The following WDSUB1 variants were observed in gnomAD, a reference collection of about 807,000 sequenced individuals.
The protein encoded by WDSUB1 is WD repeat, SAM and U-box domain-containing protein 1.
Under a neutral mutation model 53.9 loss-of-function variants are expected in WDSUB1, and 49 were observed. The observed-to-expected ratio is 0.91, with a 90% confidence interval of 0.72 to 1.15. The LOEUF (loss-of-function observed/expected upper bound fraction) is 1.15, where lower values mean the gene tolerates loss of function less well. Ranked by LOEUF, WDSUB1 falls within the 50% of genes most tolerant of loss-of-function variation. WDSUB1 has a pLI of 0.00. For synonymous variants in WDSUB1, 194 were observed against 200.6 expected (o/e 0.97, Z 0.28); for missense variants, 514 against 562.0 (o/e 0.91, Z 0.86).
intron 3 of WDSUB1, among the ~76,000 whole-genome samples, chr2:159,279,150 A>G (rs1263545544): frequency 1.3e-5 from 2 of 152,194 alleles, no homozygotes; most frequent in African/African-American, 2.4e-5. Context: ...TCTGGTAACA[A>G]GACTGCAGGG....
At chr2:159,258,054 G>T in intron 6 of WDSUB1, 69 bp from the exon 7 acceptor site, 2 of 1,373,522 alleles carry the variant, frequency 1.5e-6, no homozygotes, top group Non-Finnish European at 2.1e-6. Flanking sequence ...AGACTCATTT[G>T]ACATAAATGG....
intron 10 of WDSUB1, among the ~76,000 whole-genome samples, chr2:159,244,224 A>G (rs1387903144): frequency 2.0e-5 from 3 of 152,182 alleles, no homozygotes; most frequent in African/African-American, 7.2e-5. Flanking sequence ...CTGACCCAAA[A>G]TAACATGAAA....
At position 159,248,245 on chromosome 2, in the gene WDSUB1, G is replaced by A. The variant is rs2060864313; in HGVS notation, c.1273+127C>T. ...TACAATATTCATTTGTTCACCCAAG[G>A]TTTAATTAGTTTAAGAAAAAACTAC... is the stretch of plus-strand genomic sequence containing the variant. On this transcript the variant is annotated intron_variant, in intron 10 of 10. Transcript: ENST00000359774. The A allele has an allele frequency of 1.1e-5, 12 of 1,065,184 alleles. No individual in the cohort carries two copies. In the South Asian group the frequency reaches 1.9e-4, roughly 17 times the overall value. 66.0% of individuals were successfully genotyped at this position (1,065,184 alleles called of 1,614,324 possible).
intron 5 of WDSUB1, among the ~76,000 whole-genome samples, chr2:159,261,865 TATATATATATATATATATATATATATA>T (rs2061201853): frequency 3.4e-4 from 3 of 8,880 alleles, no homozygotes; most frequent in Non-Finnish European, 6.8e-4. Context: ...TATATATATA[TATATATATATATATATATATATATATA>T]TATATTTTTT....
chr2:159,271,065 C>T (rs1424628730), intron 5 of WDSUB1, among the ~76,000 whole-genome samples: 1 of 152,134 alleles, frequency 6.6e-6, no homozygotes, highest in Non-Finnish European at 1.5e-5. Flanking sequence ...ATTTTAAACA[C>T]TCACAATACC....
chr2:159,265,815 A>C (rs1271422617), intron 5 of WDSUB1, among the ~76,000 whole-genome samples: 1 of 152,204 alleles, frequency 6.6e-6, no homozygotes, highest in Non-Finnish European at 1.5e-5. Context: ...AATTCTGCTA[A>C]GGGGCTGGAG....
intron 5 of WDSUB1, among the ~76,000 whole-genome samples, chr2:159,266,219 T>C (rs1019455685): frequency 3.9e-5 from 6 of 152,002 alleles, no homozygotes; most frequent in African/African-American, 1.5e-4. Context: ...GACAGAGTCT[T>C]GCTCTGTCGC....
intron 9 of WDSUB1, among the ~76,000 whole-genome samples, chr2:159,254,323 G>A (rs2061014224): frequency 6.6e-6 from 1 of 152,216 alleles, no homozygotes; most frequent in Non-Finnish European, 1.5e-5. Flanking sequence ...ACATTGGGAG[G>A]CCGAGCTGGG....
At chr2:159,263,766 T>C (rs2061276079) in intron 5 of WDSUB1, among the ~76,000 whole-genome samples, 1 of 152,232 alleles carries the variant, frequency 6.6e-6, no homozygotes, top group South Asian at 2.1e-4. Flanking sequence ...TAATGGCTAA[T>C]AGCTCAATTC....
chr2:159,274,494 G>A (rs905321246), intron 4 of WDSUB1, among the ~76,000 whole-genome samples: 5 of 152,162 alleles, frequency 3.3e-5, no homozygotes, highest in African/African-American at 1.2e-4. Flanking sequence ...TGAACTGACT[G>A]ACTGTATACA....
chr2:159,269,008 A>G (rs913760770), intron 5 of WDSUB1, among the ~76,000 whole-genome samples: 2 of 152,172 alleles, frequency 1.3e-5, no homozygotes, highest in African/African-American at 4.8e-5. Context: ...ACAAAACAGA[A>G]GCATAAATAC....
intron 2 of WDSUB1, 26 bp downstream of exon 2, chr2:159,282,646 A>G: frequency 6.3e-7 from 1 of 1,587,132 alleles, no homozygotes; most frequent in South Asian, 1.1e-5. Flanking sequence ...ACAGGATTAA[A>G]ACAGGAAGGA....
chr2:159,270,080 T>C (rs2061419248), intron 5 of WDSUB1, among the ~76,000 whole-genome samples: 2 of 152,212 alleles, frequency 1.3e-5, no homozygotes, highest in African/African-American at 2.4e-5. Flanking sequence ...TGATTTCATA[T>C]ACATATAATC....
chr2:159,280,000 C>A, intron 2 of WDSUB1, 55 bp from the exon 3 acceptor site: 3 of 1,491,086 alleles, frequency 2.0e-6, no homozygotes, highest in Non-Finnish European at 2.7e-6. Context: ...TACTTTATAC[C>A]ACAGTCTCTA....
intron 2 of WDSUB1, among the ~76,000 whole-genome samples, chr2:159,280,825 A>G (rs199653110): frequency 1.4e-3 from 208 of 152,180 alleles, no homozygotes; most frequent in African/African-American, 4.7e-3. Context: ...AAGTATTAGT[A>G]TTTGCTCAAT....
chr2:159,241,631 TAACTAAA>T (rs1408710498), intron 10 of WDSUB1, among the ~76,000 whole-genome samples: 2 of 147,556 alleles, frequency 1.4e-5, no homozygotes, highest in Non-Finnish European at 2.9e-5. Context: ...AGATTGGACA[TAACTAAA>T]AAGGTACAGC....
chr2:159,257,912 T>C (rs371700151), intron 7 of WDSUB1, 33 bp downstream of exon 7: 19 of 1,609,744 alleles, frequency 1.2e-5, no homozygotes, highest in Non-Finnish European at 1.5e-5. Context: ...AATTTTTAAA[T>C]TATATTAATA....
intron 5 of WDSUB1, among the ~76,000 whole-genome samples, chr2:159,260,942 G>C (rs539672589): frequency 3.3e-5 from 5 of 152,296 alleles, no homozygotes; most frequent in African/African-American, 1.2e-4. Flanking sequence ...TCCTTGTTCA[G>C]TAGACCCTCC....
At chr2:159,244,666 T>TG (rs2060746643) in intron 10 of WDSUB1, among the ~76,000 whole-genome samples, 8 of 152,204 alleles carry the variant, frequency 5.3e-5, no homozygotes, top group African/African-American at 1.9e-4. Context: ...GGCTCACACG[T>TG]CTTATCTCAG....
Sources: allele counts gnomAD v4.1 joint callset (sites outside exome capture counted in the v4.1 genomes callset), GRCh38; gene constraint gnomAD v4.1.1; transcripts MANE v1.5; gene names NCBI Gene and HGNC (gene_info 2026-07-23, HGNC 2026-07-21).